Variants in CPE observed in about 807,000 individuals in gnomAD.
The protein encoded by CPE is carboxypeptidase E, also known as carbocypeptidase E.
In CPE, 17 loss-of-function variants were observed where a neutral mutation model predicts 53.5. The observed-to-expected ratio is 0.32, with a 90% CI of 0.22 to 0.48. CPE has a LOEUF of 0.48. Ranked by LOEUF, CPE falls within the 20% of genes least tolerant of loss-of-function variation. The pLI, the probability that CPE is intolerant of heterozygous loss-of-function variation, is 0.99. For missense variants in CPE, 524 were observed against 614.7 expected (o/e 0.85, Z 1.56); for synonymous variants, 226 against 228.8 (o/e 0.99, Z 0.11).
At chr4:165,397,332 A>T (rs1730784332) in intron 1 of CPE, among the ~76,000 whole-genome samples, 1 of 152,218 alleles carries the variant, frequency 6.6e-6, no homozygotes, top group Non-Finnish European at 1.5e-5. Flanking sequence ...CATTCTATAA[A>T]TTAGGAAACT....
intron 1 of CPE, chr4:165,403,949 G>A: frequency 1.8e-6 from 1 of 555,638 alleles, no homozygotes; most frequent in Non-Finnish European, 3.4e-6. Flanking sequence ...CAAACCCAAT[G>A]CCGGAGTTTG....
intron 7 of CPE, among the ~76,000 whole-genome samples, chr4:165,494,163 G>A (rs564628632): frequency 4.6e-5 from 7 of 152,190 alleles, no homozygotes; most frequent in Non-Finnish European, 1.0e-4. Flanking sequence ...CAGCCAGTAT[G>A]CCAGAATCTG....
chr4:165,461,426 C>G (rs912066417), intron 1 of CPE, among the ~76,000 whole-genome samples: 1 of 151,840 alleles, frequency 6.6e-6, no homozygotes, highest in Non-Finnish European at 1.5e-5. Context: ...TTCAAGATCT[C>G]GTAGAGAATT....
chr4:165,379,086 C>T lies in CPE; in HGVS notation c.-136C>T. 1 of 791,138 alleles carries T rather than the reference C, an allele frequency of 1.3e-6. No homozygotes were observed. The highest frequency in any genetic ancestry group is 1.7e-6 in the Non-Finnish European group (1 of 597,932). 49.0% of individuals were successfully genotyped at this position (791,138 alleles called of 1,614,324 possible). A position where few individuals can be genotyped will look rare whatever the true frequency, so the allele number is the denominator to read the frequency against. On this transcript the variant is annotated 5_prime_UTR_variant, in exon 1 of 9. Transcript: ENST00000402744. The surrounding 1 kb of genome is among the most constrained non-coding windows in gnomAD (Gnocchi z 6.0). ...GTGCGCGGGCTGACACTCATTCAGCCGGGGAAGGTGAGGCGAGTAGAGGCT... is the reference window on the plus strand; with the variant it reads ...GTGCGCGGGCTGACACTCATTCAGCTGGGGAAGGTGAGGCGAGTAGAGGCT...
At chr4:165,401,761 G>A (rs1432840357) in intron 1 of CPE, among the ~76,000 whole-genome samples, 1 of 152,198 alleles carries the variant, frequency 6.6e-6, no homozygotes, top group East Asian at 1.9e-4. Context: ...AATATATGAG[G>A]CCCTGGAAGC....
chr4:165,484,244 T>C (rs2126712408), intron 4 of CPE, among the ~76,000 whole-genome samples, 178 bp from the exon 5 acceptor site: 1 of 152,330 alleles, frequency 6.6e-6, no homozygotes, highest in East Asian at 1.9e-4. Context: ...AATGGAAATT[T>C]TGTAACTTAA....
At chr4:165,432,211 C>G (rs1295967141) in intron 1 of CPE, among the ~76,000 whole-genome samples, 1 of 152,192 alleles carries the variant, frequency 6.6e-6, no homozygotes, top group African/African-American at 2.4e-5. Context: ...TACATTCTTG[C>G]CATTGTGCCG....
chr4:165,411,554 T>C (rs983484029), intron 1 of CPE, among the ~76,000 whole-genome samples: 4 of 152,154 alleles, frequency 2.6e-5, no homozygotes, highest in African/African-American at 9.7e-5. Context: ...TCACTCTCCA[T>C]TGAATAAAGA....
chr4:165,488,218 G>A (rs1374034582), intron 6 of CPE, among the ~76,000 whole-genome samples: 2 of 152,116 alleles, frequency 1.3e-5, no homozygotes, highest in African/African-American at 4.8e-5. Context: ...AATTAAAGAT[G>A]AGGAATCAGA....
intron 1 of CPE, among the ~76,000 whole-genome samples, chr4:165,420,805 T>C (rs1181053612): frequency 6.6e-6 from 1 of 152,166 alleles, no homozygotes; most frequent in Non-Finnish European, 1.5e-5. Context: ...CTTTAAGCAT[T>C]TGGAATAATT....
At chr4:165,481,888 A>C (rs1732421198) in intron 3 of CPE, among the ~76,000 whole-genome samples, 1 of 152,188 alleles carries the variant, frequency 6.6e-6, no homozygotes, top group African/African-American at 2.4e-5. Context: ...ATCCTTAACT[A>C]TTCATAATAA....
intron 1 of CPE, among the ~76,000 whole-genome samples, chr4:165,381,042 T>G (rs1322151132): frequency 6.6e-6 from 1 of 152,254 alleles, no homozygotes; most frequent in Non-Finnish European, 1.5e-5. Flanking sequence ...TGCTGCTTAC[T>G]TAATGAGAAC....
At chr4:165,414,763 T>C (rs571845176) in intron 1 of CPE, among the ~76,000 whole-genome samples, 2 of 152,158 alleles carry the variant, frequency 1.3e-5, no homozygotes, top group South Asian at 4.1e-4. Context: ...ATTTACAGTG[T>C]ATATAAAAAA....
At chr4:165,389,914 T>C (rs1397501114) in intron 1 of CPE, among the ~76,000 whole-genome samples, 2 of 152,226 alleles carry the variant, frequency 1.3e-5, no homozygotes, top group African/African-American at 2.4e-5. Context: ...GGAATCAAGA[T>C]AGTGACTGCA....
At chr4:165,425,337 TA>T (rs985898827) in intron 1 of CPE, among the ~76,000 whole-genome samples, 20 of 138,372 alleles carry the variant, frequency 1.4e-4, no homozygotes, top group Non-Finnish European at 1.8e-4. Context: ...TTTATCTTGT[TA>T]AAAAAAATTA....
chr4:165,440,935 A>G (rs1731599745), intron 1 of CPE, among the ~76,000 whole-genome samples: 2 of 152,168 alleles, frequency 1.3e-5, no homozygotes, highest in African/African-American at 4.8e-5. Context: ...CTGACAATCT[A>G]ATCTCAATAA....
intron 1 of CPE, among the ~76,000 whole-genome samples, chr4:165,432,790 A>C (rs767728765): frequency 6.6e-6 from 1 of 152,122 alleles, no homozygotes; most frequent in Non-Finnish European, 1.5e-5. Flanking sequence ...TGTGGCCTAA[A>C]CAGCGCAACC....
chr4:165,408,579 C>T (rs1730988780), intron 1 of CPE, among the ~76,000 whole-genome samples: 1 of 152,254 alleles, frequency 6.6e-6, no homozygotes, highest in South Asian at 2.1e-4. Context: ...AAAACCCATA[C>T]TTATTCCAAT....
intron 1 of CPE, among the ~76,000 whole-genome samples, chr4:165,411,552 C>T (rs1731043294): frequency 6.6e-6 from 1 of 152,156 alleles, no homozygotes; most frequent in Non-Finnish European, 1.5e-5. Flanking sequence ...TTTCACTCTC[C>T]ATTGAATAAA....
Sources: gnomAD v4.1 joint callset for allele counts (sites outside exome capture counted in the v4.1 genomes callset) on GRCh38, gnomAD v4.1.1 for gene constraint, Gnocchi (gnomAD v3.1) non-coding constraint, MANE v1.5 for transcripts, NCBI Gene and HGNC (gene_info 2026-07-23, HGNC 2026-07-21) for gene names.